The following ARSK variants were observed in gnomAD, a reference collection of about 807,000 sequenced individuals.
The protein encoded by ARSK is arylsulfatase family member K.
Under a neutral mutation model 53.2 loss-of-function variants are expected in ARSK, and 37 were observed. That is an observed-to-expected ratio of 0.70 (90% CI 0.54 to 0.92). The LOEUF (loss-of-function observed/expected upper bound fraction) is 0.92, where lower values mean the gene tolerates loss of function less well. ARSK is among the 40% of genes least tolerant of loss of function. The pLI, the probability that ARSK is intolerant of heterozygous loss-of-function variation, is 0.00. For missense variants in ARSK, 613 were observed against 643.0 expected (o/e 0.95, Z 0.51); for synonymous variants, 208 against 223.2 (o/e 0.93, Z 0.61).
intron 3 of ARSK, among the ~76,000 whole-genome samples, chr5:95,576,219 A>G (rs1417171416): frequency 6.6e-5 from 5 of 76,136 alleles, no homozygotes; most frequent in Admixed American, 1.4e-4. Context: ...TTTTTTTTTG[A>G]GATGGATTCT....
intron 6 of ARSK, chr5:95,600,624 G>A: frequency 1.5e-6 from 1 of 667,228 alleles, no homozygotes; most frequent in African/African-American, 1.8e-5. Context: ...CCTTCTTACA[G>A]ATGAGAAAAC....
intron 6 of ARSK, among the ~76,000 whole-genome samples, chr5:95,595,886 TGTA>T (rs1749300691): frequency 5.9e-5 from 9 of 152,350 alleles, no homozygotes; most frequent in Non-Finnish European, 8.8e-5. Flanking sequence ...ATTGCCCCCA[TGTA>T]TTAAAAAGAA....
intron 3 of ARSK, among the ~76,000 whole-genome samples, chr5:95,575,640 C>T (rs984034458): frequency 1.2e-4 from 18 of 152,096 alleles, no homozygotes; most frequent in African/African-American, 4.1e-4. Context: ...TTCTTCATTT[C>T]TGAAGGATTA....
At chr5:95,561,931 C>G (rs1180018639) in intron 1 of ARSK, among the ~76,000 whole-genome samples, 1 of 151,976 alleles carries the variant, frequency 6.6e-6, no homozygotes, top group Non-Finnish European at 1.5e-5. Context: ...GAACAGAAAA[C>G]AGGCTAGGCA....
chr5:95,603,251 C>A lies in ARSK; in HGVS notation c.1336C>A (p.Pro446Thr). 2 of 1,569,908 alleles carry A rather than the reference C, an allele frequency of 1.3e-6. No homozygotes were observed. The highest frequency in any genetic ancestry group is 1.7e-6 in the Non-Finnish European group (2 of 1,160,304). ...TTTTCTTTCAGATCTTTCCTCGGAT[C>A]CAGATGAATTAACAAATGTTGCTGT... ...LPQLFDLSSD[P>T]DELTNVAVKF... Residue 446 changes from proline (P) to threonine (T), a missense_variant, in exon 8 of 8, where the codon CCA becomes ACA. By Grantham distance (38) the Pro-to-Thr change is conservative. Transcript: ENST00000380009.
intron 6 of ARSK, among the ~76,000 whole-genome samples, chr5:95,598,997 ACTCT>A (rs920809724): frequency 4.6e-5 from 7 of 151,864 alleles, no homozygotes; most frequent in Admixed American, 4.6e-4. Flanking sequence ...GCCTGCCATC[ACTCT>A]CTATCTCCCT....
At chr5:95,597,991 T>C (rs544672058) in intron 6 of ARSK, among the ~76,000 whole-genome samples, 1 of 152,252 alleles carries the variant, frequency 6.6e-6, no homozygotes, top group South Asian at 2.1e-4. Context: ...ATGGTTATCA[T>C]TAATATGTTT....
intron 3 of ARSK, among the ~76,000 whole-genome samples, chr5:95,571,869 A>G (rs1451560845): frequency 6.6e-6 from 1 of 152,208 alleles, no homozygotes; most frequent in African/African-American, 2.4e-5. Flanking sequence ...TTTCAGTGTA[A>G]ACTTAAAAAT....
chr5:95,565,690 A>AT (rs1748713741), intron 1 of ARSK, among the ~76,000 whole-genome samples: 1 of 152,120 alleles, frequency 6.6e-6, no homozygotes, highest in Non-Finnish European at 1.5e-5. Context: ...GCATCCTCAG[A>AT]TTTTGCAGTG....
chr5:95,572,901 C>T (rs1161787463), intron 3 of ARSK, among the ~76,000 whole-genome samples: 1 of 152,206 alleles, frequency 6.6e-6, no homozygotes, highest in East Asian at 1.9e-4. Flanking sequence ...CCCACCTCTA[C>T]CCCTTAGCTG....
At chr5:95,592,977 ATTAC>A (rs1277388321) in intron 6 of ARSK, among the ~76,000 whole-genome samples, 2 of 151,956 alleles carry the variant, frequency 1.3e-5, no homozygotes, top group Non-Finnish European at 2.9e-5. Context: ...GCTGATCACT[ATTAC>A]TTTTCCTCAT....
chr5:95,604,500 A>G lies in ARSK; in HGVS notation c.*974A>G, dbSNP rs937135771. The G allele has an allele frequency of 6.6e-6, 1 of 152,208 alleles. No individual in the cohort carries two copies. The highest frequency in any genetic ancestry group is 6.5e-5 in the Admixed American group (1 of 15,282). 9.4% of individuals were successfully genotyped at this position (152,208 alleles called of 1,614,324 possible). ...ATTCCTTTCCCCCTACACAAACGGT[A>G]ACATACTGCACACATTGTTCTGCAT... On this transcript the variant is annotated 3_prime_UTR_variant, in exon 8 of 8. Coordinates refer to ENST00000380009, the MANE Select transcript of ARSK (RefSeq NM_198150.3).
At chr5:95,598,838 A>G (rs1749352777) in intron 6 of ARSK, among the ~76,000 whole-genome samples, 1 of 152,102 alleles carries the variant, frequency 6.6e-6, no homozygotes, top group African/African-American at 2.4e-5. Flanking sequence ...TGCCTTGGGG[A>G]CTGTACACTT....
intron 3 of ARSK, among the ~76,000 whole-genome samples, chr5:95,579,233 AT>A (rs1409029947): frequency 2.0e-5 from 3 of 152,128 alleles, no homozygotes; most frequent in African/African-American, 4.8e-5. Context: ...GCCCTTTGTG[AT>A]TCAGTGAGTC....
At chr5:95,582,811 T>G in intron 3 of ARSK, 105 bp from the exon 4 acceptor site, 1 of 1,091,166 alleles carries the variant, frequency 9.2e-7, no homozygotes, top group Non-Finnish European at 1.3e-6. Context: ...TTTACAAGAC[T>G]GAGTCTAAAA....
intron 7 of ARSK, among the ~76,000 whole-genome samples, chr5:95,602,527 C>T (rs1037538887): frequency 2.0e-5 from 3 of 152,140 alleles, no homozygotes; most frequent in African/African-American, 7.2e-5. Flanking sequence ...AGGTTTTTCC[C>T]TCAACATACA....
chr5:95,566,198 T>C lies in ARSK; in HGVS notation c.256+71T>C. 5 of 1,543,984 alleles carry C rather than the reference T, an allele frequency of 3.2e-6. No homozygotes were observed. In the South Asian group the frequency reaches 3.7e-5, roughly 11 times the overall value. ...AAAATATATTCACAGTTTAAAAGAT[T>C]ATACCTAAAAGTAGAATAGTTGTAT... On this transcript the variant is annotated intron_variant, in intron 2 of 7. Transcript: ENST00000380009.
intron 6 of ARSK, among the ~76,000 whole-genome samples, chr5:95,595,881 C>T (rs1749300482): frequency 6.6e-6 from 1 of 152,010 alleles, no homozygotes; most frequent in Non-Finnish European, 1.5e-5. Context: ...TGAAAATTGC[C>T]CCCATGTATT....
intron 3 of ARSK, among the ~76,000 whole-genome samples, chr5:95,569,154 A>T (rs553154697): frequency 6.6e-6 from 1 of 152,264 alleles, no homozygotes; most frequent in African/African-American, 2.4e-5. Context: ...TGATCTTGGG[A>T]TCCCCCAACA....
Sources: allele counts gnomAD v4.1 joint callset (sites outside exome capture counted in the v4.1 genomes callset), GRCh38; gene constraint gnomAD v4.1.1; transcripts MANE v1.5; gene names NCBI Gene and HGNC (gene_info 2026-07-23, HGNC 2026-07-21).